The following C8orf34 variants were observed in gnomAD, a reference collection of about 807,000 sequenced individuals.
C8orf34 encodes the protein chromosome 8 open reading frame 34.
Under a neutral mutation model 68.3 loss-of-function variants are expected in C8orf34, and 65 were observed. That is an observed-to-expected ratio of 0.95 (90% CI 0.78 to 1.17). C8orf34 has a LOEUF of 1.17. Among genes scored for constraint, C8orf34 ranks in the 50% most tolerant of loss-of-function variants. The pLI is 0.00. For synonymous variants in C8orf34, 244 were observed against 241.2 expected, an observed-to-expected ratio of 1.01 and a Z score of -0.11; for missense variants, 664 against 655.4, an observed-to-expected ratio of 1.01 and a Z score of -0.14.
chr8:68,500,888 G>C (rs1040697802), intron 5 of C8orf34, among the ~76,000 whole-genome samples: 1 of 152,096 alleles, frequency 6.6e-6, no homozygotes, highest in African/African-American at 2.4e-5. Flanking sequence ...TGAGCTGTCT[G>C]CACAAACCAC....
chr8:68,463,229 A>G (rs1563459558), intron 3 of C8orf34, among the ~76,000 whole-genome samples: 1 of 152,216 alleles, frequency 6.6e-6, no homozygotes, highest in Non-Finnish European at 1.5e-5. Flanking sequence ...CACCCTCCCA[A>G]GACTAAACCA....
At chr8:68,564,994 A>G (rs1203900974) in intron 7 of C8orf34, among the ~76,000 whole-genome samples, 1 of 152,234 alleles carries the variant, frequency 6.6e-6, no homozygotes, top group Non-Finnish European at 1.5e-5. Context: ...ATTTCCAGGC[A>G]TCAGAATTAT....
At chr8:68,544,545 A>G (rs1043107160) in intron 7 of C8orf34, among the ~76,000 whole-genome samples, 2 of 152,182 alleles carry the variant, frequency 1.3e-5, no homozygotes, top group Non-Finnish European at 2.9e-5. Context: ...AAAAAGAATC[A>G]ACAGAAAGTA....
At chr8:68,446,570 C>A in intron 3 of C8orf34, 110 bp downstream of exon 3, 2 of 1,164,864 alleles carry the variant, frequency 1.7e-6, no homozygotes, top group Non-Finnish European at 1.2e-6. Flanking sequence ...ATATTTCTGG[C>A]CTTTAATCTT....
intron 7 of C8orf34, among the ~76,000 whole-genome samples, chr8:68,590,128 A>G (rs190565156): frequency 1.4e-3 from 202 of 149,296 alleles, no homozygotes; most frequent in African/African-American, 4.7e-3. Context: ...AAAGGAAGAG[A>G]AAGGAAGGAA....
intron 1 of C8orf34, among the ~76,000 whole-genome samples, chr8:68,339,191 C>G (rs1174510812): frequency 6.6e-6 from 1 of 151,840 alleles, no homozygotes; most frequent in Non-Finnish European, 1.5e-5. Flanking sequence ...TTTATAGGTG[C>G]TGTTAGGCAG....
At chr8:68,378,291 C>T (rs1807889812) in intron 1 of C8orf34, among the ~76,000 whole-genome samples, 1 of 152,224 alleles carries the variant, frequency 6.6e-6, no homozygotes, top group Non-Finnish European at 1.5e-5. Context: ...TTAAGTTTCT[C>T]CTACAAGAAT....
intron 1 of C8orf34, among the ~76,000 whole-genome samples, chr8:68,394,232 T>A (rs1171551324): frequency 1.1e-5 from 1 of 89,308 alleles, no homozygotes; most frequent in Admixed American, 1.4e-4. Flanking sequence ...ATGCTATCCC[T>A]CCCCCCTCCC....
rs185445374 is a variant in C8orf34 at position 68,494,360 on chromosome 8, G to A, written c.765+6309G>A. Reference sequence around the variant, plus strand: ...GAAACAGTGTAACAGTGGTTGTCATGAGCTGAGGGGAAGGGGAAATGGGAA... The same window carrying A: ...GAAACAGTGTAACAGTGGTTGTCATAAGCTGAGGGGAAGGGGAAATGGGAA... On this transcript the variant is annotated intron_variant, in intron 5 of 13. Transcript: ENST00000518698. Among the ~76,000 whole-genome samples, 270 of 152,178 alleles carry A rather than the reference G, an allele frequency of 1.8e-3. 2 individuals carry two copies. The highest frequency in any genetic ancestry group is 5.9e-3 in the African/African-American group (245 of 41,478).
chr8:68,759,227 T>C (rs1219638574), intron 10 of C8orf34, among the ~76,000 whole-genome samples: 1 of 152,186 alleles, frequency 6.6e-6, no homozygotes, highest in Non-Finnish European at 1.5e-5. Context: ...AAGAAAAAAA[T>C]ATTAAATTAT....
intron 5 of C8orf34, among the ~76,000 whole-genome samples, chr8:68,503,957 C>T (rs1460325422): frequency 6.6e-6 from 1 of 152,018 alleles, no homozygotes; most frequent in Admixed American, 6.6e-5. Context: ...AAAATACATC[C>T]TTTTAAAGTA....
intron 12 of C8orf34, among the ~76,000 whole-genome samples, chr8:68,799,978 T>A (rs1407088514): frequency 2.0e-5 from 3 of 152,164 alleles, no homozygotes; most frequent in Admixed American, 2.0e-4. Flanking sequence ...GAATACTGGT[T>A]ACACTTGATG....
intron 1 of C8orf34, among the ~76,000 whole-genome samples, chr8:68,353,880 T>C (rs1806630082): frequency 6.6e-6 from 1 of 151,910 alleles, no homozygotes; most frequent in Admixed American, 6.6e-5. Context: ...GCATAGTTTA[T>C]ATGCAAATAC....
chr8:68,511,165 G>A lies in C8orf34; in HGVS notation c.766-10634G>A, dbSNP rs137997836. Reference sequence around the variant, plus strand: ...TATTGCTGTTATAAATAAATTTTTTGGTGCTGCCAAAGAAATAGCACTCAA... The same window carrying A: ...TATTGCTGTTATAAATAAATTTTTTAGTGCTGCCAAAGAAATAGCACTCAA... On this transcript the variant is annotated intron_variant, in intron 5 of 13. Transcript: ENST00000518698. Among the ~76,000 whole-genome samples the A allele has an allele frequency of 6.2e-4, 95 of 152,202 alleles. 3 individuals carry two copies. The East Asian group carries it at 0.016, about 25-fold the overall frequency.
At chr8:68,456,907 A>G (rs1811577734) in intron 3 of C8orf34, among the ~76,000 whole-genome samples, 1 of 152,212 alleles carries the variant, frequency 6.6e-6, no homozygotes, top group Admixed American at 6.5e-5. Flanking sequence ...TCCACTGGTT[A>G]CCTATTGTAT....
At chr8:68,798,468 A>C (rs937802127) in intron 12 of C8orf34, among the ~76,000 whole-genome samples, 1 of 152,030 alleles carries the variant, frequency 6.6e-6, no homozygotes, top group Non-Finnish European at 1.5e-5. Flanking sequence ...GCGTCTAAAA[A>C]GTTCAGGGCA....
intron 8 of C8orf34, among the ~76,000 whole-genome samples, chr8:68,666,584 T>C (rs1220464283): frequency 6.6e-6 from 1 of 152,220 alleles, no homozygotes; most frequent in Non-Finnish European, 1.5e-5. Flanking sequence ...AGACATTGTT[T>C]TGGTAGCCAC....
At chr8:68,566,389 A>G (rs934865391) in intron 7 of C8orf34, among the ~76,000 whole-genome samples, 7 of 152,090 alleles carry the variant, frequency 4.6e-5, no homozygotes, top group African/African-American at 1.7e-4. Context: ...TTTAGCTCCC[A>G]CTTATAAGAG....
intron 8 of C8orf34, among the ~76,000 whole-genome samples, chr8:68,679,353 G>C (rs1820294108): frequency 6.6e-6 from 1 of 151,418 alleles, no homozygotes; most frequent in Admixed American, 6.6e-5. Context: ...AAAATACCCA[G>C]GAATTAACTT....
Sources: gnomAD v4.1 joint callset for allele counts (sites outside exome capture counted in the v4.1 genomes callset) on GRCh38, gnomAD v4.1.1 for gene constraint, MANE v1.5 for transcripts, NCBI Gene and HGNC (gene_info 2026-07-23, HGNC 2026-07-21) for gene names.